Variants in RAB10 observed in about 807,000 individuals in gnomAD.
The protein encoded by RAB10 is RAB10, member RAS oncogene family, also known as ras-related protein Rab-10.
Under a neutral mutation model 25.7 loss-of-function variants are expected in RAB10, and 5 were observed. That is an observed-to-expected ratio of 0.19 (90% confidence interval 0.10 to 0.41). The LOEUF is 0.41. Among genes scored for constraint, RAB10 ranks in the 10% least tolerant of loss-of-function variants. The probability of loss-of-function intolerance (pLI) is 1.00; values close to 1 mark genes in which losing one functional copy is unlikely to be tolerated. For missense variants in RAB10, 103 were observed against 245.8 expected, an observed-to-expected ratio of 0.42 and a Z score of 3.89; for synonymous variants, 89 against 86.4, an observed-to-expected ratio of 1.03 and a Z score of -0.16.
intron 1 of RAB10, among the ~76,000 whole-genome samples, chr2:26,052,867 G>C (rs1666166974): frequency 6.6e-6 from 1 of 151,954 alleles, no homozygotes; most frequent in Non-Finnish European, 1.5e-5. Context: ...TATGTGTTGG[G>C]GTGTCCTTAT....
At chr2:26,062,585 C>T (rs189395583) in intron 1 of RAB10, among the ~76,000 whole-genome samples, 20 of 151,242 alleles carry the variant, frequency 1.3e-4, no homozygotes, top group African/African-American at 4.4e-4. Flanking sequence ...GGCTGAGGCA[C>T]GAGAATTGCT....
At chr2:26,096,452 GGATGGA>G (rs1305075664) in intron 1 of RAB10, among the ~76,000 whole-genome samples, 2 of 152,018 alleles carry the variant, frequency 1.3e-5, no homozygotes, top group Non-Finnish European at 2.9e-5. Context: ...ATGGATGGAT[GGATGGA>G]TGGATCTTCT....
chr2:26,058,254 T>G (rs137981866), intron 1 of RAB10, among the ~76,000 whole-genome samples: 41 of 152,318 alleles, frequency 2.7e-4, no homozygotes, highest in African/African-American at 9.6e-4. Context: ...CCTTGCTTTC[T>G]TTCTTGTCCT....
intron 3 of RAB10, among the ~76,000 whole-genome samples, chr2:26,113,804 A>G (rs1171391179): frequency 1.3e-5 from 2 of 151,894 alleles, no homozygotes; most frequent in Non-Finnish European, 2.9e-5. Context: ...AACTATTTAT[A>G]AATGGTAGAA....
At chr2:26,133,312 A>G (rs947777974) in intron 5 of RAB10, among the ~76,000 whole-genome samples, 2 of 152,312 alleles carry the variant, frequency 1.3e-5, no homozygotes, top group Non-Finnish European at 1.5e-5. Flanking sequence ...AATAGCATCG[A>G]TAAATCTCAA....
intron 3 of RAB10, among the ~76,000 whole-genome samples, chr2:26,116,443 T>A (rs1042857039): frequency 2.6e-5 from 4 of 152,026 alleles, no homozygotes; most frequent in Non-Finnish European, 5.9e-5. Context: ...CAGGGCTGGC[T>A]GCAGGACTTG....
chr2:26,077,923 G>C (rs1245315220), intron 1 of RAB10, among the ~76,000 whole-genome samples: 1 of 152,034 alleles, frequency 6.6e-6, no homozygotes, highest in East Asian at 1.9e-4. Flanking sequence ...GGTTTGCAGC[G>C]AGCCAAGATC....
chr2:26,127,055 C>T, intron 3 of RAB10, 89 bp from the exon 4 acceptor site: 1 of 961,300 alleles, frequency 1.0e-6, no homozygotes, highest in East Asian at 2.6e-5. Context: ...AGAAATGACC[C>T]TCTAAATTGA....
At chr2:26,104,688 G>C (rs1667431508) in intron 2 of RAB10, among the ~76,000 whole-genome samples, 1 of 150,848 alleles carries the variant, frequency 6.6e-6, no homozygotes, top group African/African-American at 2.4e-5. Flanking sequence ...TCTTCTAAGA[G>C]TTTTTATAGT....
intron 1 of RAB10, among the ~76,000 whole-genome samples, chr2:26,086,697 T>A (rs72807782): frequency 0.09 from 13,648 of 152,290 alleles, 796 homozygotes; most frequent in Non-Finnish European, 0.13. Context: ...ACAGCTCTAT[T>A]CATAAAAGCC....
At chr2:26,076,956 A>G (rs886209405) in intron 1 of RAB10, among the ~76,000 whole-genome samples, 6 of 151,892 alleles carry the variant, frequency 4.0e-5, no homozygotes, top group Non-Finnish European at 7.4e-5. Flanking sequence ...AGAAAAAAAA[A>G]AAAACAGAAA....
At chr2:26,068,810 C>T (rs1419864076) in intron 1 of RAB10, among the ~76,000 whole-genome samples, 1 of 152,174 alleles carries the variant, frequency 6.6e-6, no homozygotes, top group African/African-American at 2.4e-5. Context: ...GGCTTAAAAC[C>T]AGCTAAGCAA....
chr2:26,042,672 A>G (rs1466226868), intron 1 of RAB10: 1 of 152,004 alleles, frequency 6.6e-6, no homozygotes, highest in African/African-American at 2.4e-5. Flanking sequence ...AAGACCATCC[A>G]GAGTGCTTGT....
At chr2:26,090,325 T>C (rs1667074703) in intron 1 of RAB10, among the ~76,000 whole-genome samples, 2 of 152,114 alleles carry the variant, frequency 1.3e-5, no homozygotes, top group Non-Finnish European at 2.9e-5. Context: ...AAGTTGAGAG[T>C]TGATCTTTTA....
chr2:26,050,953 C>T (rs890521971), intron 1 of RAB10, among the ~76,000 whole-genome samples: 1 of 151,854 alleles, frequency 6.6e-6, no homozygotes, highest in African/African-American at 2.4e-5. Context: ...GAGTCTTGCT[C>T]TGTCTCCCAG....
At chr2:26,064,006 T>G (rs2149268182) in intron 1 of RAB10, among the ~76,000 whole-genome samples, 1 of 152,290 alleles carries the variant, frequency 6.6e-6, no homozygotes. Context: ...CACTATGTGT[T>G]GGCCAGGTTG....
At chr2:26,088,556 C>A (rs1253888834) in intron 1 of RAB10, among the ~76,000 whole-genome samples, 1 of 150,974 alleles carries the variant, frequency 6.6e-6, no homozygotes, top group South Asian at 2.1e-4. Flanking sequence ...TATTGACTTT[C>A]CTCTCATCTC....
chr2:26,044,977 T>TG (rs1665966561), intron 1 of RAB10, among the ~76,000 whole-genome samples: 1 of 152,058 alleles, frequency 6.6e-6, no homozygotes, highest in Non-Finnish European at 1.5e-5. Flanking sequence ...AAAGTAGAGT[T>TG]GCTGTGGTTT....
chr2:26,086,018 G>GC (rs1490542162), intron 1 of RAB10, among the ~76,000 whole-genome samples: 4 of 114,986 alleles, frequency 3.5e-5, no homozygotes, highest in Non-Finnish European at 3.6e-5. Flanking sequence ...AAAAAAAAAA[G>GC]GGGGGGGGCA....
Sources: allele counts gnomAD v4.1 joint callset (sites outside exome capture counted in the v4.1 genomes callset), GRCh38; gene constraint gnomAD v4.1.1; transcripts MANE v1.5; gene names NCBI Gene and HGNC (gene_info 2026-07-23, HGNC 2026-07-21).